The following BLK variants were observed in gnomAD, a reference collection of about 807,000 sequenced individuals.
The protein encoded by BLK is BLK proto-oncogene, Src family tyrosine kinase, also known as tyrosine-protein kinase Blk.
Under a neutral mutation model 61.8 loss-of-function variants are expected in BLK, and 64 were observed. The observed-to-expected ratio is 1.03, with a 90% confidence interval of 0.85 to 1.27. BLK has a LOEUF of 1.27. BLK is among the 50% of genes most tolerant of loss of function. The pLI is 0.00. For synonymous variants in BLK, 351 were observed against 272.0 expected (o/e 1.29, Z -2.86); for missense variants, 853 against 660.5 (o/e 1.29, Z -3.19).
At chr8:11,524,866 A>G (rs1563439679) in intron 1 of BLK, among the ~76,000 whole-genome samples, 1 of 152,026 alleles carries the variant, frequency 6.6e-6, no homozygotes, top group Middle Eastern at 3.2e-3. Context: ...ACGCTCTGCT[A>G]AAAGCAGGTC....
intron 1 of BLK, among the ~76,000 whole-genome samples, chr8:11,504,768 G>C (rs12155745): frequency 1.3e-5 from 2 of 152,060 alleles, no homozygotes; most frequent in Admixed American, 6.5e-5. Context: ...TAAGGGTGCT[G>C]GCATATTTAG....
At chr8:11,541,059 A>C (rs981032267) in intron 1 of BLK, among the ~76,000 whole-genome samples, 1 of 152,128 alleles carries the variant, frequency 6.6e-6, no homozygotes, top group African/African-American at 2.4e-5. Context: ...TGAGCTCTGG[A>C]GTTTGAGACC....
At chr8:11,521,658 T>C (rs1434480502) in intron 1 of BLK, among the ~76,000 whole-genome samples, 1 of 152,226 alleles carries the variant, frequency 6.6e-6, no homozygotes, top group Admixed American at 6.5e-5. Context: ...GCCACAGTTT[T>C]ATGTGAAGAA....
At position 11,549,127 on chromosome 8, in the gene BLK, G is replaced by A. The variant is rs1445784711; in HGVS notation, c.368+5G>A. On this transcript the variant is annotated splice_donor_5th_base_variant and intron_variant, in intron 5 of 12. Coordinates refer to ENST00000259089, the MANE Select transcript of BLK (RefSeq NM_001715.3). ...GGAGAGCCTGGAAATGGAAAGGTAG[G>A]TGGGCACGGGAACCCCCCTCGAGCC... 1.9e-6 allele frequency: 3 copies of A among 1,596,498 alleles called. No homozygotes were observed. Among genetic ancestry groups the A allele is most frequent in the South Asian group, 1.1e-5 (1 of 87,474 alleles).
intron 1 of BLK, among the ~76,000 whole-genome samples, chr8:11,504,810 G>A (rs192788967): frequency 1.4e-3 from 216 of 152,338 alleles, no homozygotes; most frequent in African/African-American, 4.8e-3. Flanking sequence ...CCAGCATGTG[G>A]TGTTTGGCCT....
chr8:11,560,935 C>T (rs963444046), intron 10 of BLK: 6 of 481,130 alleles, frequency 1.2e-5, no homozygotes, highest in Middle Eastern at 3.1e-4. Context: ...GTCCTTGCCT[C>T]CTGCTCCCCC....
chr8:11,556,395 G>C, intron 8 of BLK: 1 of 519,026 alleles, frequency 1.9e-6, no homozygotes, highest in Non-Finnish European at 3.5e-6. Flanking sequence ...GTGCAGGACA[G>C]AAGGACACAG....
chr8:11,531,298 G>A (rs73539765), intron 1 of BLK, among the ~76,000 whole-genome samples: 1,786 of 152,182 alleles, frequency 0.012, 35 homozygotes, highest in African/African-American at 0.04. Flanking sequence ...AAGTGCAGAA[G>A]TTCTTAATTT....
intron 1 of BLK, among the ~76,000 whole-genome samples, chr8:11,533,582 C>CAGAGGAGGA (rs1799983406): frequency 2.1e-5 from 1 of 47,676 alleles, no homozygotes; most frequent in Non-Finnish European, 6.1e-5. Context: ...CCCTGTCTGC[C>CAGAGGAGGA]GGAGGAGGAG....
At chr8:11,541,076 C>T (rs926900224) in intron 1 of BLK, among the ~76,000 whole-genome samples, 2 of 152,108 alleles carry the variant, frequency 1.3e-5, no homozygotes, top group Admixed American at 1.3e-4. Flanking sequence ...GACCAGCCTG[C>T]ATGACATGGC....
intron 10 of BLK, chr8:11,559,754 T>C (rs990449453): frequency 4.4e-6 from 2 of 456,082 alleles, no homozygotes; most frequent in African/African-American, 4.0e-5. Flanking sequence ...CTCTACCTCC[T>C]CTGCCCAGGA....
chr8:11,554,640 A>T (rs1801102025), intron 6 of BLK, 103 bp from the exon 7 acceptor site: 1 of 1,409,288 alleles, frequency 7.1e-7, no homozygotes, highest in South Asian at 1.2e-5. Context: ...TGAAGAACAG[A>T]ATTGGGGAAC....
chr8:11,536,562 C>T (rs1291436375), intron 1 of BLK, among the ~76,000 whole-genome samples: 2 of 151,936 alleles, frequency 1.3e-5, no homozygotes, highest in South Asian at 4.2e-4. Context: ...TTTATAGGCA[C>T]GTGCCTGGCT....
chr8:11,524,608 A>G, intron 1 of BLK, among the ~76,000 whole-genome samples: 1 of 152,218 alleles, frequency 6.6e-6, no homozygotes, highest in East Asian at 1.9e-4. Context: ...TGAGCGTGGG[A>G]ATCCCACTTG....
At chr8:11,540,046 T>C (rs1585382237) in intron 1 of BLK, among the ~76,000 whole-genome samples, 1 of 151,842 alleles carries the variant, frequency 6.6e-6, no homozygotes, top group Non-Finnish European at 1.5e-5. Context: ...TTAATGTTTA[T>C]GAATTTGTAC....
chr8:11,548,831 C>T (rs1312953990), intron 4 of BLK, among the ~76,000 whole-genome samples, 193 bp from the exon 5 acceptor site: 1 of 152,140 alleles, frequency 6.6e-6, no homozygotes, highest in East Asian at 1.9e-4. Flanking sequence ...ATAAGCTCTT[C>T]CCCCTAGAAC....
At chr8:11,526,809 T>G (rs1799672635) in intron 1 of BLK, among the ~76,000 whole-genome samples, 1 of 152,182 alleles carries the variant, frequency 6.6e-6, no homozygotes, top group South Asian at 2.1e-4. Context: ...ACTTTTTCAG[T>G]TGAAAATCAG....
intron 1 of BLK, among the ~76,000 whole-genome samples, chr8:11,524,874 G>A (rs1263203595): frequency 2.0e-5 from 3 of 149,876 alleles, no homozygotes; most frequent in African/African-American, 7.4e-5. Context: ...CTAAAAGCAG[G>A]TCGCAAAACA....
chr8:11,511,694 C>T (rs1291567103), intron 1 of BLK, among the ~76,000 whole-genome samples: 3 of 152,132 alleles, frequency 2.0e-5, no homozygotes, highest in Non-Finnish European at 4.4e-5. Context: ...GATGGACTTC[C>T]TGAAATACGG....
Sources: gnomAD v4.1 joint callset for allele counts (sites outside exome capture counted in the v4.1 genomes callset) on GRCh38, gnomAD v4.1.1 for gene constraint, MANE v1.5 for transcripts, NCBI Gene and HGNC (gene_info 2026-07-23, HGNC 2026-07-21) for gene names.